NOVA2: variants seen among roughly 807,000 people sequenced by gnomAD.
The protein encoded by NOVA2 is RNA-binding protein Nova-2.
A neutral mutation model predicts 22.5 loss-of-function variants in NOVA2; 9 were observed. The observed-to-expected ratio is 0.40, with a 90% CI of 0.24 to 0.70. The LOEUF is 0.70. Ranked by LOEUF, NOVA2 falls within the 30% of genes least tolerant of loss-of-function variation. The pLI is 0.38. For missense variants in NOVA2, 383 were observed against 682.8 expected, an observed-to-expected ratio of 0.56 and a Z score of 4.89; for synonymous variants, 318 against 335.2, an observed-to-expected ratio of 0.95 and a Z score of 0.56.
intron 3 of NOVA2, among the ~76,000 whole-genome samples, chr19:45,950,985 G>A (rs1360465312): frequency 6.6e-6 from 1 of 152,182 alleles, no homozygotes; most frequent in Non-Finnish European, 1.5e-5. Flanking sequence ...TTTATGCTCA[G>A]ATTCCTAAGC....
intron 3 of NOVA2, among the ~76,000 whole-genome samples, chr19:45,944,588 T>C (rs1967810354): frequency 6.6e-6 from 1 of 152,214 alleles, no homozygotes; most frequent in Non-Finnish European, 1.5e-5. Context: ...ATCCATACAA[T>C]GGAATATTAC....
At position 45,934,489 on chromosome 19, in the gene NOVA2, C is replaced by G. The variant is rs1332634503; in HGVS notation, c.*5374G>C. On this transcript the variant is annotated 3_prime_UTR_variant, in exon 4 of 4. Transcript: ENST00000263257. ...GCCGGGGAATCTATGCACCCCATCC[C>G]TCTAGAGTAATACTGATAGCTTGAA... is the stretch of plus-strand genomic sequence containing the variant. 2 of 152,130 alleles carry G rather than the reference C, an allele frequency of 1.3e-5. No individual in the cohort carries two copies. Among genetic ancestry groups the G allele is most frequent in the Non-Finnish European group, 2.9e-5 (2 of 68,048 alleles). 9.4% of individuals were successfully genotyped at this position (152,130 alleles called of 1,614,324 possible).
intron 1 of NOVA2, among the ~76,000 whole-genome samples, chr19:45,966,988 C>CA (rs1968175456): frequency 6.6e-6 from 1 of 151,958 alleles, no homozygotes; most frequent in Admixed American, 6.6e-5. Context: ...ATACAATGTT[C>CA]AAAAATGAAA....
intron 3 of NOVA2, among the ~76,000 whole-genome samples, chr19:45,947,512 T>C (rs575126591): frequency 2.6e-5 from 4 of 151,982 alleles, no homozygotes; most frequent in Middle Eastern, 3.4e-3. Context: ...TTCGCTCTTT[T>C]GCCCAGGCTA....
At chr19:45,962,523 TGGGGGGA>T (rs1386284050) in intron 1 of NOVA2, 2 of 152,586 alleles carry the variant, frequency 1.3e-5, no homozygotes, top group Non-Finnish European at 2.9e-5. Flanking sequence ...CCTCCACTCC[TGGGGGGA>T]CCAACACGAT....
chr19:45,947,303 G>T (rs976853), intron 3 of NOVA2, among the ~76,000 whole-genome samples: 1 of 151,912 alleles, frequency 6.6e-6, no homozygotes, highest in South Asian at 2.1e-4. Flanking sequence ...AGGATGACAC[G>T]CCCACAGGCC....
Position 45,940,208 on chromosome 19 carries a change from G to A in NOVA2, c.1134C>T (p.Gly378=), listed in dbSNP as rs758514366. The A allele has an allele frequency of 8.4e-7, 1 of 1,193,496 alleles. No homozygotes were observed. The highest frequency in any genetic ancestry group is 1.0e-6 in the Non-Finnish European group (1 of 966,238). The allele number at this position is 1,193,496 out of a possible 1,614,324, so 73.9% of individuals were successfully genotyped here. A position where few individuals can be genotyped will look rare whatever the true frequency, so the allele number is the denominator to read the frequency against. The change falls in exon 4 of 4, where the codon GGC becomes GGT. Residue 378 remains glycine, a synonymous_variant. Transcript: ENST00000263257. ...AGAGGGAGGG[G]GPLVAAAAAA... Reference sequence around the variant, plus strand: ...CGGCTGCAGCGGCCACCAGCGGGCCGCCCCCTCCGCCCGCCCCGCCGCCCG... The same window carrying A: ...CGGCTGCAGCGGCCACCAGCGGGCCACCCCCTCCGCCCGCCCCGCCGCCCG...
In NOVA2 at chr19:45,961,273, A is replaced by G. The variant is rs956517112; in HGVS notation, c.86-120T>C. The stretch of plus-strand genomic sequence containing the variant: ...AGTATGGAGAATAATACAAATAATG[A>G]TCTTCATTCACTCATTCATTCAACA... On this transcript the variant is annotated intron_variant, in intron 1 of 3. Coordinates refer to ENST00000263257, the MANE Select transcript of NOVA2 (RefSeq NM_002516.4). 1.4e-4 allele frequency: 90 copies of G among 631,390 alleles called. No individual in the cohort carries two copies. The African/African-American group carries it at 1.6e-3, about 12-fold the overall frequency. The allele number at this position is 631,390 out of a possible 1,614,324, so 39.1% of individuals were successfully genotyped here.
At chr19:45,948,142 C>A (rs57784658) in intron 3 of NOVA2, among the ~76,000 whole-genome samples, 19,282 of 152,100 alleles carry the variant, frequency 0.13, 1,373 homozygotes, top group South Asian at 0.2. Context: ...CAACTGCTAC[C>A]ATTGGCAGAT....
At chr19:45,964,721 T>C (rs531298316) in intron 1 of NOVA2, among the ~76,000 whole-genome samples, 79 of 152,102 alleles carry the variant, frequency 5.2e-4, no homozygotes, top group African/African-American at 1.9e-3. Flanking sequence ...CCACCACTCC[T>C]AGGTAATTTT....
chr19:45,970,656 A>G (rs1968222080), intron 1 of NOVA2, among the ~76,000 whole-genome samples: 1 of 152,122 alleles, frequency 6.6e-6, no homozygotes, highest in African/African-American at 2.4e-5. Flanking sequence ...GATTACAGGC[A>G]TGAGCTACTG....
chr19:45,952,528 A>G (rs1439387939), intron 3 of NOVA2, among the ~76,000 whole-genome samples: 1 of 152,032 alleles, frequency 6.6e-6, no homozygotes, highest in Non-Finnish European at 1.5e-5. Flanking sequence ...GATTAGGGGG[A>G]GGGGGTAGAA....
At chr19:45,954,776 G>A (rs538737472) in intron 2 of NOVA2, among the ~76,000 whole-genome samples, 2 of 151,854 alleles carry the variant, frequency 1.3e-5, no homozygotes, top group African/African-American at 4.8e-5. Flanking sequence ...GAGAGAAACT[G>A]GGGGGTATTG....
intron 3 of NOVA2, among the ~76,000 whole-genome samples, chr19:45,946,959 C>T (rs1167399627): frequency 6.6e-6 from 1 of 151,442 alleles, no homozygotes; most frequent in Admixed American, 6.6e-5. Context: ...CATGCATGCA[C>T]AAATGTTAAC....
Position 45,958,353 on chromosome 19 carries a change from CTGTGTGTGTGTG to C in NOVA2, c.229+2645_229+2656del, listed in dbSNP as rs572028267. Among the ~76,000 whole-genome samples, 8 of 145,968 alleles carry C rather than the reference CTGTGTGTGTGTG, an allele frequency of 5.5e-5. No individual in the cohort carries two copies. In the East Asian group the frequency reaches 1.6e-3, roughly 29 times the overall value. On this transcript the variant is annotated intron_variant, in intron 2 of 3. Coordinates refer to ENST00000263257, the MANE Select transcript of NOVA2 (RefSeq NM_002516.4). ...ATTTCATGTAGTAGACACCCAAGTG[CTGTGTGTGTGTG>C]TGTGTGTGAGAGTGTGTGTGTGTGG...
chr19:45,954,437 CCT>C (rs1967973111), intron 2 of NOVA2, among the ~76,000 whole-genome samples: 1 of 152,124 alleles, frequency 6.6e-6, no homozygotes, highest in Admixed American at 6.5e-5. Flanking sequence ...GGGACGAGGC[CCT>C]GTTGTCATGG....
chr19:45,941,807 C>T (rs1038441862), intron 3 of NOVA2, among the ~76,000 whole-genome samples: 1 of 152,036 alleles, frequency 6.6e-6, no homozygotes, highest in Non-Finnish European at 1.5e-5. Flanking sequence ...ATTTGAGGTC[C>T]CCTCAGTAGC....
chr19:45,961,002 G>T lies in NOVA2; in HGVS notation c.229+8C>A, dbSNP rs1479350381. On this transcript the variant is annotated splice_region_variant and intron_variant, in intron 2 of 3. Transcript: ENST00000263257. Reference sequence around the variant, plus strand: ...GGGCCTAGGGCAGAGACCTGGGCCGGGGCTCACCGGGGTAGAAGTCTTTGG... The same window carrying T: ...GGGCCTAGGGCAGAGACCTGGGCCGTGGCTCACCGGGGTAGAAGTCTTTGG... 5.7e-6 allele frequency: 9 copies of T among 1,569,592 alleles called. No individual in the cohort carries two copies. The highest frequency in any genetic ancestry group is 5.4e-5 in the African/African-American group (4 of 74,104).
chr19:45,941,319 T>C (rs1401852498), intron 3 of NOVA2, among the ~76,000 whole-genome samples: 1 of 149,408 alleles, frequency 6.7e-6, no homozygotes, highest in Non-Finnish European at 1.5e-5. Flanking sequence ...AATATATATA[T>C]ATATATATAT....
Sources: allele counts gnomAD v4.1 joint callset (sites outside exome capture counted in the v4.1 genomes callset), GRCh38; gene constraint gnomAD v4.1.1; transcripts MANE v1.5; gene names NCBI Gene and HGNC (gene_info 2026-07-23, HGNC 2026-07-21).